Variants in SPATS2 observed in about 807,000 individuals in gnomAD.
The protein encoded by SPATS2 is spermatogenesis associated serine rich 2, also known as spermatogenesis-associated serine-rich protein 2.
A neutral mutation model predicts 63.7 loss-of-function variants in SPATS2; 38 were observed. The observed-to-expected ratio is 0.60, with a 90% CI of 0.46 to 0.78. SPATS2 has a LOEUF of 0.78. Among genes scored for constraint, SPATS2 ranks in the 30% least tolerant of loss-of-function variants. The pLI, the probability that SPATS2 is intolerant of heterozygous loss-of-function variation, is 0.00. For missense variants in SPATS2, 588 were observed against 666.2 expected (o/e 0.88, Z 1.29); for synonymous variants, 207 against 232.9 (o/e 0.89, Z 1.01).
intron 2 of SPATS2, among the ~76,000 whole-genome samples, chr12:49,435,187 T>C (rs948878021): frequency 2.6e-5 from 4 of 151,804 alleles, no homozygotes; most frequent in Admixed American, 6.6e-5. Flanking sequence ...CCTGCCACCA[T>C]ACCCGGCTAA....
At chr12:49,431,540 A>G (rs991007810) in intron 2 of SPATS2, among the ~76,000 whole-genome samples, 1 of 152,154 alleles carries the variant, frequency 6.6e-6, no homozygotes, top group Non-Finnish European at 1.5e-5. Flanking sequence ...GAGCCACCGC[A>G]CCGGGCCCAA....
At chr12:49,392,975 C>A (rs1202295914) in intron 2 of SPATS2, among the ~76,000 whole-genome samples, 1 of 152,102 alleles carries the variant, frequency 6.6e-6, no homozygotes, top group Non-Finnish European at 1.5e-5. Flanking sequence ...TTGCTTGAAC[C>A]CAGGGGGCGG....
chr12:49,369,200 G>A (rs748760341), intron 1 of SPATS2, among the ~76,000 whole-genome samples: 8 of 151,938 alleles, frequency 5.3e-5, no homozygotes, highest in Non-Finnish European at 8.8e-5. Flanking sequence ...GCTAATTTTT[G>A]TATTTTTAGT....
At chr12:49,453,907 G>C (rs1945671725) in intron 2 of SPATS2, among the ~76,000 whole-genome samples, 1 of 124,182 alleles carries the variant, frequency 8.1e-6, no homozygotes, top group East Asian at 2.2e-4. Flanking sequence ...CTGTCACCCA[G>C]GCTGGAGTGC....
intron 3 of SPATS2, chr12:49,462,323 G>A (rs1945835365): frequency 1.4e-6 from 1 of 702,406 alleles, no homozygotes; most frequent in South Asian, 1.5e-5. Context: ...CATGAGTGCT[G>A]GAACCGGCTG....
At chr12:49,520,801 C>A (rs908917080) in intron 11 of SPATS2, among the ~76,000 whole-genome samples, 1 of 152,002 alleles carries the variant, frequency 6.6e-6, no homozygotes, top group African/African-American at 2.4e-5. Context: ...TCACTGCAAC[C>A]TTTACCTCCT....
chr12:49,420,294 A>T (rs1302812491), intron 2 of SPATS2, among the ~76,000 whole-genome samples: 2 of 152,242 alleles, frequency 1.3e-5, no homozygotes, highest in Non-Finnish European at 1.5e-5. Context: ...CTTGATTTTC[A>T]TACAAGTATA....
chr12:49,494,265 T>G (rs1330643867), intron 6 of SPATS2, among the ~76,000 whole-genome samples: 1 of 152,236 alleles, frequency 6.6e-6, no homozygotes, highest in Admixed American at 6.5e-5. Context: ...ACATACTTTT[T>G]GACCTTTGCT....
chr12:49,396,574 G>T (rs1944515681), intron 2 of SPATS2, among the ~76,000 whole-genome samples: 1 of 152,160 alleles, frequency 6.6e-6, no homozygotes, highest in Non-Finnish European at 1.5e-5. Context: ...ATGATAAAGT[G>T]TCAGCTTGGG....
intron 10 of SPATS2, among the ~76,000 whole-genome samples, chr12:49,515,513 G>C (rs371120475): frequency 6.6e-6 from 1 of 152,200 alleles, no homozygotes; most frequent in African/African-American, 2.4e-5. Context: ...AATGACTTCA[G>C]CTTTGGTCCA....
chr12:49,395,957 C>G (rs1160783240), intron 2 of SPATS2, among the ~76,000 whole-genome samples: 1 of 152,222 alleles, frequency 6.6e-6, no homozygotes, highest in Non-Finnish European at 1.5e-5. Flanking sequence ...CTTGATGCAT[C>G]TGTGTGTTTG....
intron 2 of SPATS2, among the ~76,000 whole-genome samples, chr12:49,408,907 GTAA>G (rs927916452): frequency 1.3e-5 from 2 of 152,100 alleles, no homozygotes; most frequent in African/African-American, 4.8e-5. Flanking sequence ...GTTATTTTCT[GTAA>G]TAATGCTACA....
intron 2 of SPATS2, among the ~76,000 whole-genome samples, chr12:49,439,090 G>GA (rs1592397210): frequency 6.6e-6 from 1 of 152,222 alleles, no homozygotes; most frequent in East Asian, 1.9e-4. Context: ...AGGAATCTCT[G>GA]AGGAGATGAC....
chr12:49,504,611 G>A (rs921842555), intron 9 of SPATS2, among the ~76,000 whole-genome samples: 3 of 151,974 alleles, frequency 2.0e-5, no homozygotes, highest in African/African-American at 4.8e-5. Context: ...TTTTTAAAAG[G>A]AGAAATGGGT....
intron 3 of SPATS2, among the ~76,000 whole-genome samples, chr12:49,482,444 A>T (rs1424685629): frequency 6.6e-6 from 1 of 152,198 alleles, no homozygotes; most frequent in Non-Finnish European, 1.5e-5. Flanking sequence ...ATGAAACAAA[A>T]ATAAAAGGGC....
Position 49,389,708 on chromosome 12 carries a change from G to C in SPATS2, c.-244+18418G>C, listed in dbSNP as rs1474696387. 14 of 1,549,504 alleles carry C rather than the reference G, an allele frequency of 9.0e-6. No homozygotes were observed. In the Admixed American group the frequency reaches 1.8e-4, roughly 20 times the overall value. On this transcript the variant is annotated intron_variant, in intron 2 of 13. Transcript: ENST00000552918. Reference sequence around the variant, plus strand: ...CGCAAGAACATCGGCCACGGTCCACGTTAGTTATGGGAATCCAGCAAGAAA... The same window carrying C: ...CGCAAGAACATCGGCCACGGTCCACCTTAGTTATGGGAATCCAGCAAGAAA...
intron 12 of SPATS2, 138 bp from the exon 13 acceptor site, chr12:49,524,544 C>A (rs1229186710): frequency 1.2e-6 from 1 of 850,520 alleles, no homozygotes; most frequent in African/African-American, 1.7e-5. Context: ...CTTCCTGTTA[C>A]CAGTTTTATA....
chr12:49,432,524 A>G (rs758202211), intron 2 of SPATS2, among the ~76,000 whole-genome samples: 4 of 152,198 alleles, frequency 2.6e-5, no homozygotes, highest in African/African-American at 7.2e-5. Context: ...GTATATTCAC[A>G]TTGTTGTATA....
chr12:49,398,333 G>A (rs116764069), intron 2 of SPATS2, among the ~76,000 whole-genome samples: 111 of 152,080 alleles, frequency 7.3e-4, no homozygotes, highest in African/African-American at 2.3e-3. Context: ...GACACGAACA[G>A]GCTTATGTTC....
Sources: gnomAD v4.1 joint callset for allele counts (sites outside exome capture counted in the v4.1 genomes callset) on GRCh38, gnomAD v4.1.1 for gene constraint, MANE v1.5 for transcripts, NCBI Gene and HGNC (gene_info 2026-07-23, HGNC 2026-07-21) for gene names.